The following LMBRD1 variants were observed in gnomAD, a reference collection of about 807,000 sequenced individuals.
LMBRD1 encodes lysosomal cobalamin transport escort protein LMBD1.
Under a neutral mutation model 74.8 loss-of-function variants are expected in LMBRD1, and 64 were observed. That is an observed-to-expected ratio of 0.86 (90% CI 0.70 to 1.05). The LOEUF is 1.05. Among genes scored for constraint, LMBRD1 ranks in the 50% least tolerant of loss-of-function variants. The pLI, the probability that LMBRD1 is intolerant of heterozygous loss-of-function variation, is 0.00. For missense variants in LMBRD1, 652 were observed against 645.9 expected (o/e 1.01, Z -0.10); for synonymous variants, 204 against 216.3 (o/e 0.94, Z 0.50).
At chr6:69,770,544 A>G (rs1056629892) in intron 3 of LMBRD1, among the ~76,000 whole-genome samples, 1 of 152,206 alleles carries the variant, frequency 6.6e-6, no homozygotes, top group African/African-American at 2.4e-5. Context: ...CACTCACTCA[A>G]TCTTAACAAC....
intron 14 of LMBRD1, among the ~76,000 whole-genome samples, chr6:69,682,065 T>A (rs533318267): frequency 6.6e-6 from 1 of 151,890 alleles, no homozygotes; most frequent in South Asian, 2.1e-4. Flanking sequence ...TAATGTTTTA[T>A]CGTCAGATGG....
intron 2 of LMBRD1, among the ~76,000 whole-genome samples, chr6:69,787,042 C>T (rs1765966143): frequency 6.6e-6 from 1 of 152,114 alleles, no homozygotes; most frequent in African/African-American, 2.4e-5. Flanking sequence ...TCAACTTGTA[C>T]ATTCATCTTT....
At chr6:69,795,667 G>A (rs886939947) in intron 1 of LMBRD1, among the ~76,000 whole-genome samples, 1 of 152,198 alleles carries the variant, frequency 6.6e-6, no homozygotes, top group African/African-American at 2.4e-5. Flanking sequence ...AACCTTTAGG[G>A]TTTCATTTCC....
intron 3 of LMBRD1, among the ~76,000 whole-genome samples, chr6:69,773,532 T>C (rs1430761912): frequency 6.6e-6 from 1 of 152,220 alleles, no homozygotes; most frequent in African/African-American, 2.4e-5. Flanking sequence ...TCTAAAAGTA[T>C]GGCATAGAAA....
chr6:69,676,040 T>C lies in LMBRD1; in HGVS notation c.*118A>G. ...CATATAATAAAATATAGTTGTCTTATAGCCATGCTCCCATTTTTGATGAAA... is the reference window on the plus strand; with the variant it reads ...CATATAATAAAATATAGTTGTCTTACAGCCATGCTCCCATTTTTGATGAAA... On this transcript the variant is annotated 3_prime_UTR_variant, in exon 16 of 16. Transcript: ENST00000649934. 2 of 750,812 alleles carry C rather than the reference T, an allele frequency of 2.7e-6. No homozygotes were observed. The highest frequency in any genetic ancestry group is 4.7e-6 in the Non-Finnish European group (2 of 423,908). 46.5% of individuals were successfully genotyped at this position (750,812 alleles called of 1,614,324 possible). A position where few individuals can be genotyped will look rare whatever the true frequency, so the allele number is the denominator to read the frequency against.
At chr6:69,706,839 T>C (rs1766270184) in intron 9 of LMBRD1, among the ~76,000 whole-genome samples, 1 of 152,158 alleles carries the variant, frequency 6.6e-6, no homozygotes, top group Admixed American at 6.6e-5. Context: ...AGTGTGTAAA[T>C]TTTCTACTGC....
In LMBRD1 at chr6:69,789,134, A is replaced by G. The variant is rs111747656; in HGVS notation, c.246+1162T>C. Reference sequence around the variant, plus strand: ...TTAAAACTTGCTAAATGGTGTACAGAAAAAAAATGTGGTTTTCACAGCAAT... The same window carrying G: ...TTAAAACTTGCTAAATGGTGTACAGGAAAAAAATGTGGTTTTCACAGCAAT... On this transcript the variant is annotated intron_variant, in intron 2 of 15. Coordinates refer to ENST00000649934, the MANE Select transcript of LMBRD1 (RefSeq NM_018368.4). 5.8e-3 allele frequency among the ~76,000 whole-genome samples: 882 copies of G among 152,094 alleles called. 10 individuals carry two copies. The highest frequency in any genetic ancestry group is 0.017 in the African/African-American group (718 of 41,386).
chr6:69,696,864 T>G (rs1169275013), intron 14 of LMBRD1, among the ~76,000 whole-genome samples: 7 of 152,172 alleles, frequency 4.6e-5, no homozygotes, highest in Non-Finnish European at 8.8e-5. Flanking sequence ...TACACTATAT[T>G]TGACACATTA....
intron 5 of LMBRD1, 55 bp from the exon 6 acceptor site, chr6:69,741,932 A>C: frequency 1.0e-6 from 1 of 998,060 alleles, no homozygotes; most frequent in South Asian, 1.4e-5. Flanking sequence ...AGTTAAATTA[A>C]ATGGTTTGAA....
chr6:69,770,641 G>A (rs1765558810), intron 3 of LMBRD1, among the ~76,000 whole-genome samples: 1 of 152,130 alleles, frequency 6.6e-6, no homozygotes, highest in East Asian at 1.9e-4. Context: ...AAAAATTCAT[G>A]AATTTCACAA....
intron 9 of LMBRD1, among the ~76,000 whole-genome samples, chr6:69,711,297 C>G (rs1205953240): frequency 6.6e-6 from 1 of 152,036 alleles, no homozygotes; most frequent in African/African-American, 2.4e-5. Flanking sequence ...GAAAGGACAT[C>G]AATAATTACC....
chr6:69,721,700 C>T lies in LMBRD1; in HGVS notation c.637-2619G>A, dbSNP rs149589479. Among the ~76,000 whole-genome samples, 725 of 152,278 alleles carry T rather than the reference C, an allele frequency of 4.8e-3. 8 individuals carry two copies. Among genetic ancestry groups the T allele is most frequent in the Middle Eastern group, 0.017 (5 of 294 alleles). ...CTGAGAAAAGTAAAGGGGACTTTGTCTTGCACCTCAGGTACCAGCTCAGCC... is the reference window on the plus strand; with the variant it reads ...CTGAGAAAAGTAAAGGGGACTTTGTTTTGCACCTCAGGTACCAGCTCAGCC... On this transcript the variant is annotated intron_variant, in intron 7 of 15. Coordinates refer to ENST00000649934, the MANE Select transcript of LMBRD1 (RefSeq NM_018368.4).
intron 3 of LMBRD1, among the ~76,000 whole-genome samples, chr6:69,774,785 G>T (rs1765653699): frequency 6.6e-6 from 1 of 151,762 alleles, no homozygotes; most frequent in South Asian, 2.1e-4. Context: ...ACTCACACGA[G>T]GGCAGTTTTA....
intron 9 of LMBRD1, among the ~76,000 whole-genome samples, chr6:69,703,805 A>T (rs1389642386): frequency 6.6e-6 from 1 of 152,104 alleles, no homozygotes; most frequent in Admixed American, 6.6e-5. Context: ...AAAGAATTCC[A>T]CTATACACTT....
At chr6:69,705,788 T>G in intron 9 of LMBRD1, 2 of 1,175,128 alleles carry the variant, frequency 1.7e-6, no homozygotes, top group South Asian at 1.2e-5. Context: ...CTTCATCTAC[T>G]GACTGCATCT....
intron 8 of LMBRD1, 86 bp downstream of exon 8, chr6:69,718,870 G>C: frequency 1.4e-6 from 2 of 1,404,260 alleles, no homozygotes; most frequent in Non-Finnish European, 2.0e-6. Context: ...AAAGTTATGG[G>C]GTTGACAATG....
intron 3 of LMBRD1, among the ~76,000 whole-genome samples, chr6:69,776,238 G>A (rs1397560194): frequency 1.4e-4 from 21 of 152,180 alleles, no homozygotes; most frequent in Admixed American, 1.4e-3. Context: ...CATGGAGTAT[G>A]AAAAAGCAGT....
At chr6:69,689,518 G>T (rs1215894866) in intron 14 of LMBRD1, among the ~76,000 whole-genome samples, 1 of 152,052 alleles carries the variant, frequency 6.6e-6, no homozygotes, top group Non-Finnish European at 1.5e-5. Context: ...AAATAGTTTT[G>T]GATTGGTAAG....
chr6:69,765,980 T>C (rs1451128741), intron 3 of LMBRD1, among the ~76,000 whole-genome samples: 1 of 152,000 alleles, frequency 6.6e-6, no homozygotes, highest in Non-Finnish European at 1.5e-5. Context: ...ACTGGTTGTA[T>C]TTGTCCATAT....
Sources: gnomAD v4.1 joint callset for allele counts (sites outside exome capture counted in the v4.1 genomes callset) on GRCh38, gnomAD v4.1.1 for gene constraint, MANE v1.5 for transcripts, NCBI Gene and HGNC (gene_info 2026-07-23, HGNC 2026-07-21) for gene names.